Variants in GALNT13 observed in about 807,000 individuals in gnomAD.
GALNT13 encodes UDP-GalNAc:polypeptide N-acetylgalactosaminyltransferase 13.
Under a neutral mutation model 64.2 loss-of-function variants are expected in GALNT13, and 28 were observed. The observed-to-expected ratio is 0.44, with a 90% CI of 0.32 to 0.60. GALNT13 has a LOEUF of 0.60. Among genes scored for constraint, GALNT13 ranks in the 20% least tolerant of loss-of-function variants. The probability of loss-of-function intolerance (pLI) is 0.05; values close to 1 mark genes in which losing one functional copy is unlikely to be tolerated. For missense variants in GALNT13, 577 were observed against 669.8 expected, an observed-to-expected ratio of 0.86 and a Z score of 1.53; for synonymous variants, 214 against 224.6, an observed-to-expected ratio of 0.95 and a Z score of 0.42.
At chr2:153,945,203 A>G (rs1348882754) in intron 3 of GALNT13, among the ~76,000 whole-genome samples, 1 of 152,212 alleles carries the variant, frequency 6.6e-6, no homozygotes, top group Non-Finnish European at 1.5e-5. Flanking sequence ...ACTTTATTTC[A>G]GTATTTTCCT....
At chr2:153,529,926 A>G in the GALNT13 span, among the ~76,000 whole-genome samples, 80,080 of 151,834 alleles carry the variant, frequency 0.53, 22,402 homozygotes, top group East Asian at 0.76. Flanking sequence ...AAATAGACAC[A>G]CAGCTAGTAC....
chr2:153,487,270 C>T, the GALNT13 span, among the ~76,000 whole-genome samples: 1 of 152,302 alleles, frequency 6.6e-6, no homozygotes, highest in South Asian at 2.1e-4. Context: ...ATACACTGCT[C>T]ATAGTGGCAA....
chr2:153,247,936 C>A, the GALNT13 span, among the ~76,000 whole-genome samples: 22 of 152,266 alleles, frequency 1.4e-4, no homozygotes, highest in South Asian at 4.6e-3. Flanking sequence ...ATAAACAGCC[C>A]TATGTAACCA....
chr2:153,462,615 G>T, the GALNT13 span, among the ~76,000 whole-genome samples: 17 of 152,154 alleles, frequency 1.1e-4, no homozygotes, highest in African/African-American at 3.6e-4. Flanking sequence ...TGCAACTGGT[G>T]TCAGGAACCA....
the GALNT13 span, among the ~76,000 whole-genome samples, chr2:153,298,803 GA>G: frequency 6.6e-6 from 1 of 152,180 alleles, no homozygotes; most frequent in African/African-American, 2.4e-5. Context: ...ACTTGCAAGA[GA>G]GAGATAATTT....
At chr2:153,620,275 G>A in the GALNT13 span, among the ~76,000 whole-genome samples, 4 of 151,628 alleles carry the variant, frequency 2.6e-5, no homozygotes, top group East Asian at 7.8e-4. Context: ...AGGAGTGCAT[G>A]ACCACACCTG....
At chr2:153,487,764 G>A in the GALNT13 span, among the ~76,000 whole-genome samples, 1 of 152,194 alleles carries the variant, frequency 6.6e-6, no homozygotes, top group African/African-American at 2.4e-5. Context: ...TTACTTTTGT[G>A]CATGCAAGGA....
At chr2:154,288,102 C>T (rs1372623869) in intron 8 of GALNT13, among the ~76,000 whole-genome samples, 1 of 152,078 alleles carries the variant, frequency 6.6e-6, no homozygotes, top group Non-Finnish European at 1.5e-5. Context: ...ACTGGGGAGG[C>T]CTCACAATCA....
the GALNT13 span, among the ~76,000 whole-genome samples, chr2:153,790,156 TG>T: frequency 1.3e-5 from 2 of 152,154 alleles, no homozygotes; most frequent in African/African-American, 4.8e-5. Flanking sequence ...CCAGTATACT[TG>T]ATGAACATCT....
At chr2:153,182,808 CT>C in the GALNT13 span, among the ~76,000 whole-genome samples, 2 of 152,180 alleles carry the variant, frequency 1.3e-5, no homozygotes, top group Admixed American at 6.5e-5. Context: ...ATGTTTATGG[CT>C]GCATATTATT....
At chr2:154,011,873 G>A (rs1179295568) in intron 3 of GALNT13, among the ~76,000 whole-genome samples, 2 of 152,068 alleles carry the variant, frequency 1.3e-5, no homozygotes, top group African/African-American at 4.8e-5. Context: ...TCTTAAATTA[G>A]AATAGCAACT....
chr2:154,071,398 G>C (rs1187157641), intron 3 of GALNT13, among the ~76,000 whole-genome samples: 2 of 152,082 alleles, frequency 1.3e-5, no homozygotes, highest in Non-Finnish European at 2.9e-5. Flanking sequence ...TCCTAATATA[G>C]GGTCACATGA....
the GALNT13 span, among the ~76,000 whole-genome samples, chr2:153,070,844 T>G: frequency 6.6e-6 from 1 of 152,200 alleles, no homozygotes; most frequent in Non-Finnish European, 1.5e-5. Context: ...TCCCCTGAAC[T>G]TTCTGAACAA....
the GALNT13 span, among the ~76,000 whole-genome samples, chr2:153,563,496 T>C: frequency 2.6e-3 from 401 of 152,236 alleles, 2 homozygotes; most frequent in African/African-American, 9.1e-3. Flanking sequence ...TTGAGTGATA[T>C]GGATTTTCTT....
chr2:154,298,613 T>TGTATATACAATG lies in GALNT13; in HGVS notation c.976-2796_976-2795insGTATATACAATG, dbSNP rs1430469415. On this transcript the variant is annotated intron_variant, in intron 8 of 12. Coordinates refer to ENST00000392825, the MANE Select transcript of GALNT13 (RefSeq NM_052917.4). ...TTATATATACAATGTATATATTAAT[T>TGTATATACAATG]TATATATACATTGTATATATAATTT... is the stretch of plus-strand genomic sequence containing the variant. 1.5e-4 allele frequency among the ~76,000 whole-genome samples: 11 copies of TGTATATACAATG among 72,708 alleles called. 1 individual carries two copies. The highest frequency in any genetic ancestry group is 6.1e-4 in the African/African-American group (11 of 18,020). 47.7% of individuals were successfully genotyped at this position (72,708 alleles called of 152,430 possible). A position where few individuals can be genotyped will look rare whatever the true frequency, so the allele number is the denominator to read the frequency against.
chr2:153,486,504 A>C, the GALNT13 span, among the ~76,000 whole-genome samples: 14 of 152,148 alleles, frequency 9.2e-5, no homozygotes, highest in Admixed American at 6.5e-4. Context: ...GAGAGTGAAG[A>C]CTGAACTTGT....
At chr2:154,435,648 A>G (rs1009857636) in intron 11 of GALNT13, among the ~76,000 whole-genome samples, 1 of 152,180 alleles carries the variant, frequency 6.6e-6, no homozygotes, top group Non-Finnish European at 1.5e-5. Context: ...GTCAGCACAG[A>G]CAGGCAAGAG....
rs527788390 is a variant in GALNT13, at chr2:154,395,995, T to G, written c.1161T>G (p.Val387=). 5 of 1,597,700 alleles carry G rather than the reference T, an allele frequency of 3.1e-6. No individual in the cohort carries two copies. Among genetic ancestry groups the G allele is most frequent in the Middle Eastern group, 1.7e-4 (1 of 6,016 alleles). ...KDFFYIISPG[V]VKVDYGDVSV... ...TGTTTCTCTGAAAAATTCCAGGTGT[T>G]GTCAAAGTGGATTATGGAGATGTGT... Residue 387 remains valine, a synonymous_variant, in exon 10 of 13, where the codon GTT becomes GTG. Transcript: ENST00000392825.
intron 3 of GALNT13, among the ~76,000 whole-genome samples, chr2:153,953,039 C>T (rs754087187): frequency 2.6e-5 from 4 of 152,072 alleles, no homozygotes; most frequent in East Asian, 1.9e-4. Flanking sequence ...GGTGGGTCTG[C>T]GTCTCTCAGT....
Sources: gnomAD v4.1 joint callset for allele counts (sites outside exome capture counted in the v4.1 genomes callset) on GRCh38, gnomAD v4.1.1 for gene constraint, MANE v1.5 for transcripts, NCBI Gene and HGNC (gene_info 2026-07-23, HGNC 2026-07-21) for gene names.